PDE7A: variants seen among roughly 807,000 people sequenced by gnomAD.
PDE7A encodes phosphodiesterase 7A, also known as high affinity 3',5'-cyclic-AMP phosphodiesterase 7A.
In PDE7A, 39 loss-of-function variants were observed where a neutral mutation model predicts 64.3. The observed-to-expected ratio is 0.61, with a 90% CI of 0.47 to 0.79. The LOEUF (loss-of-function observed/expected upper bound fraction) is 0.79. Ranked by LOEUF, PDE7A falls within the 30% of genes least tolerant of loss-of-function variation. The pLI, the probability that PDE7A is intolerant of heterozygous loss-of-function variation, is 0.00. For missense variants in PDE7A, 470 were observed against 582.8 expected (o/e 0.81, Z 1.99); for synonymous variants, 203 against 206.8 (o/e 0.98, Z 0.16).
Position 65,715,996 on chromosome 8 carries a change from CAAAAAAAAAAAAAAA to C in PDE7A, c.*3279_*3293del, listed in dbSNP as rs779701295. Among the ~76,000 whole-genome samples, 2 of 33,868 alleles carry C rather than the reference CAAAAAAAAAAAAAAA, an allele frequency of 5.9e-5. No individual in the cohort carries two copies. The highest frequency in any genetic ancestry group is 5.0e-4 in the Admixed American group (1 of 2,008). 22.2% of individuals were successfully genotyped at this position (33,868 alleles called of 152,430 possible). On this transcript the variant is annotated 3_prime_UTR_variant, in exon 13 of 13. Coordinates refer to ENST00000401827, the MANE Select transcript of PDE7A (RefSeq NM_001242318.3). ...TGGGCGACAGAGCAAGGCTCTGTCT[CAAAAAAAAAAAAAAA>C]AAAAAAAAAAAAAATTAGCTGGGTG...
chr8:65,800,256 C>G (rs1015452724), intron 1 of PDE7A, among the ~76,000 whole-genome samples: 1 of 152,188 alleles, frequency 6.6e-6, no homozygotes, highest in South Asian at 2.1e-4. Context: ...TTTCTTCCTG[C>G]AGTGCTTGGA....
At chr8:65,759,738 G>A (rs1218122576) in intron 3 of PDE7A, among the ~76,000 whole-genome samples, 1 of 152,020 alleles carries the variant, frequency 6.6e-6, no homozygotes, top group Non-Finnish European at 1.5e-5. Context: ...GGTCCTTTCT[G>A]GAATGAGACA....
At chr8:65,772,552 G>A (rs983445182) in intron 3 of PDE7A, among the ~76,000 whole-genome samples, 1 of 152,060 alleles carries the variant, frequency 6.6e-6, no homozygotes, top group Non-Finnish European at 1.5e-5. Flanking sequence ...TTTGCCTCCA[G>A]GTAAATAAAC....
chr8:65,798,206 A>ATATATTTTTTTT, intron 1 of PDE7A, among the ~76,000 whole-genome samples: 3 of 73,832 alleles, frequency 4.1e-5, no homozygotes, highest in Non-Finnish European at 7.6e-5. Flanking sequence ...ATATATATAT[A>ATATATTTTTTTT]TTTTTTTTTT....
rs61464990 is a variant in PDE7A, at chr8:65,794,931, C to T, written c.139-12088G>A. On this transcript the variant is annotated intron_variant, in intron 1 of 12. Coordinates refer to ENST00000401827, the MANE Select transcript of PDE7A (RefSeq NM_001242318.3). ...TCAAAGAAGACTACCAGGAAAAATG[C>T]GACAATGTAATCTCATCCTTAAAAA... Among the ~76,000 whole-genome samples the T allele has an allele frequency of 9.4e-3, 1,433 of 152,166 alleles. 10 individuals carry two copies. Among genetic ancestry groups the T allele is most frequent in the East Asian group, 0.045 (233 of 5,180 alleles).
chr8:65,733,690 C>G (rs1208102302), intron 7 of PDE7A, among the ~76,000 whole-genome samples: 1 of 152,094 alleles, frequency 6.6e-6, no homozygotes, highest in Non-Finnish European at 1.5e-5. Flanking sequence ...AATGTATGCA[C>G]TGTATTACTG....
chr8:65,815,497 T>C (rs970915556), intron 1 of PDE7A, among the ~76,000 whole-genome samples: 2 of 152,166 alleles, frequency 1.3e-5, no homozygotes, highest in Non-Finnish European at 2.9e-5. Flanking sequence ...CTCCCAGTCA[T>C]GACACAAAAA....
chr8:65,750,660 T>C (rs1807903233), intron 3 of PDE7A, among the ~76,000 whole-genome samples: 1 of 152,196 alleles, frequency 6.6e-6, no homozygotes, highest in Non-Finnish European at 1.5e-5. Flanking sequence ...GGATACATAC[T>C]GTCAATGGTT....
intron 3 of PDE7A, among the ~76,000 whole-genome samples, chr8:65,755,090 G>A (rs549908405): frequency 7.5e-5 from 11 of 145,846 alleles, no homozygotes; most frequent in East Asian, 6.1e-4. Context: ...GTGTGGTTTC[G>A]GCTCACTGTA....
At chr8:65,751,933 C>G (rs935120697) in intron 3 of PDE7A, among the ~76,000 whole-genome samples, 2 of 152,198 alleles carry the variant, frequency 1.3e-5, no homozygotes, top group Non-Finnish European at 2.9e-5. Context: ...AGTGCATAGA[C>G]ACCTTCCCTG....
intron 1 of PDE7A, among the ~76,000 whole-genome samples, chr8:65,836,651 C>T (rs1409350905): frequency 6.6e-6 from 1 of 152,164 alleles, no homozygotes; most frequent in African/African-American, 2.4e-5. Flanking sequence ...GAATGTGTTG[C>T]TCATAGATTA....
intron 3 of PDE7A, among the ~76,000 whole-genome samples, chr8:65,769,196 T>C (rs1484888411): frequency 1.5e-5 from 2 of 129,800 alleles, no homozygotes; most frequent in Non-Finnish European, 3.1e-5. Flanking sequence ...TGCAGTGTGC[T>C]AAGATCACGC....
At chr8:65,839,509 C>T (rs1167073848) in intron 1 of PDE7A, among the ~76,000 whole-genome samples, 1 of 151,636 alleles carries the variant, frequency 6.6e-6, no homozygotes, top group African/African-American at 2.4e-5. Context: ...GTATGTCCAT[C>T]TCTGCATCCA....
intron 3 of PDE7A, among the ~76,000 whole-genome samples, chr8:65,754,201 C>T (rs1180635889): frequency 6.6e-6 from 1 of 152,022 alleles, no homozygotes; most frequent in Non-Finnish European, 1.5e-5. Context: ...TGTTTTTCTG[C>T]TTGCTTTATA....
intron 5 of PDE7A, 144 bp from the exon 6 acceptor site, chr8:65,739,741 A>T (rs1325701002): frequency 2.2e-6 from 2 of 909,318 alleles, no homozygotes. Flanking sequence ...GCATCTTCTT[A>T]CCAGTTATGA....
At chr8:65,738,843 A>G (rs1174445953) in intron 6 of PDE7A, among the ~76,000 whole-genome samples, 1 of 152,262 alleles carries the variant, frequency 6.6e-6, no homozygotes, top group Non-Finnish European at 1.5e-5. Flanking sequence ...AAAATTTAGA[A>G]AAGTACAGAA....
intron 6 of PDE7A, among the ~76,000 whole-genome samples, chr8:65,736,711 C>T (rs975019339): frequency 2.0e-5 from 3 of 151,184 alleles, no homozygotes; most frequent in Non-Finnish European, 2.9e-5. Context: ...GATCACGCCA[C>T]TGCACTCAAG....
chr8:65,727,153 G>C lies in PDE7A; in HGVS notation c.828+17C>G, dbSNP rs751291970. The C allele has an allele frequency of 2.2e-6, 3 of 1,384,258 alleles. No homozygotes were observed. In the East Asian group the frequency reaches 6.9e-5, roughly 32 times the overall value. The allele number at this position is 1,384,258 out of a possible 1,614,324, so 85.7% of individuals were successfully genotyped here. A position where few individuals can be genotyped will look rare whatever the true frequency, so the allele number is the denominator to read the frequency against. ...GAATGCAAAAATAATAAATCTTGAT[G>C]ATAAAATTGCACTAACCTTGTATAA... On this transcript the variant is annotated intron_variant, in intron 8 of 12. Coordinates refer to ENST00000401827, the MANE Select transcript of PDE7A (RefSeq NM_001242318.3).
At chr8:65,831,785 C>T (rs889942182) in intron 1 of PDE7A, among the ~76,000 whole-genome samples, 1 of 152,154 alleles carries the variant, frequency 6.6e-6, no homozygotes, top group Non-Finnish European at 1.5e-5. Flanking sequence ...TCATGAGCTG[C>T]CCACCCTTTA....
Sources: allele counts gnomAD v4.1 joint callset (sites outside exome capture counted in the v4.1 genomes callset), GRCh38; gene constraint gnomAD v4.1.1; transcripts MANE v1.5; gene names NCBI Gene and HGNC (gene_info 2026-07-23, HGNC 2026-07-21).